The following RGL3 variants were observed in gnomAD, a reference collection of about 807,000 sequenced individuals.
RGL3 encodes the protein ral guanine nucleotide dissociation stimulator-like 3.
RGL3 carries 85 observed loss-of-function variants against 90.6 expected under a neutral mutation model. The ratio of observed to expected loss-of-function variants is 0.94; its 90% confidence interval spans 0.79 to 1.12. The LOEUF (loss-of-function observed/expected upper bound fraction) is 1.12. Among genes scored for constraint, RGL3 ranks in the 50% most tolerant of loss-of-function variants. The pLI, the probability that RGL3 is intolerant of heterozygous loss-of-function variation, is 0.00. For synonymous variants in RGL3, 408 were observed against 385.5 expected (o/e 1.06, Z -0.68); for missense variants, 1,034 against 939.2 (o/e 1.10, Z -1.32).
In RGL3 at chr19:11,396,158, A is replaced by ATTTTT. The variant is rs1169850022; in HGVS notation, c.2014+1081_2014+1085dup. ...TCTCTATATATATATATATATATAT[A>ATTTTT]TTTTTTTTTTTTTTTTTTTTTTTTT... On this transcript the variant is annotated intron_variant, in intron 18 of 18. Transcript: ENST00000380456. Among the ~76,000 whole-genome samples, 18 of 25,632 alleles carry ATTTTT rather than the reference A, an allele frequency of 7.0e-4. 4 individuals are homozygous for ATTTTT. Among genetic ancestry groups the ATTTTT allele is most frequent in the Non-Finnish European group, 9.4e-4 (14 of 14,936 alleles). The allele number at this position is 25,632 out of a possible 152,430, so 16.8% of individuals were successfully genotyped here.
chr19:11,403,503 G>A lies in RGL3; in HGVS notation c.1186-797C>T, dbSNP rs1375186799. On this transcript the variant is annotated intron_variant, in intron 9 of 18. Coordinates refer to ENST00000380456, the MANE Select transcript of RGL3 (RefSeq NM_001035223.4). ...AGAATATAAAAAACTAGCTGGGCAT[G>A]GTAGCATATTTCTGTAATCCCAGCT... Among the ~76,000 whole-genome samples, 4 of 151,248 alleles carry A rather than the reference G, an allele frequency of 2.6e-5. No individual in the cohort carries two copies. The East Asian group carries it at 7.8e-4, about 30-fold the overall frequency.
intron 13 of RGL3, among the ~76,000 whole-genome samples, chr19:11,400,736 T>C (rs1336919246): frequency 2.6e-5 from 4 of 151,704 alleles, no homozygotes; most frequent in Admixed American, 2.6e-4. Flanking sequence ...GCGCCTGTAA[T>C]TGCGGCTACC....
chr19:11,414,496 T>TATATATATATATATATACACCTTC lies in RGL3; in HGVS notation c.637+1440_637+1441insGAAGGTGTATATATATATATATAT, dbSNP rs1968951866. On this transcript the variant is annotated intron_variant, in intron 5 of 18. Coordinates refer to ENST00000380456, the MANE Select transcript of RGL3 (RefSeq NM_001035223.4). The stretch of plus-strand genomic sequence containing the variant: ...ATATATATATATACACCTTCATATA[T>TATATATATATATATATACACCTTC]ATATATATATATATATATATATATA... 2.4e-4 allele frequency among the ~76,000 whole-genome samples: 15 copies of TATATATATATATATATACACCTTC among 62,062 alleles called. 1 individual carries two copies. The highest frequency in any genetic ancestry group is 1.3e-3 in the East Asian group (1 of 760). 40.7% of individuals were successfully genotyped at this position (62,062 alleles called of 152,430 possible). A position where few individuals can be genotyped will look rare whatever the true frequency, so the allele number is the denominator to read the frequency against.
chr19:11,401,589 C>A (rs1168742863), intron 13 of RGL3, among the ~76,000 whole-genome samples: 1 of 151,656 alleles, frequency 6.6e-6, no homozygotes, highest in African/African-American at 2.4e-5. Flanking sequence ...TTAGTAGAGA[C>A]GGGGTTTCAC....
At chr19:11,400,851 T>C (rs4804591) in intron 13 of RGL3, among the ~76,000 whole-genome samples, 30,456 of 146,980 alleles carry the variant, frequency 0.21, 5,271 homozygotes, top group African/African-American at 0.48. Context: ...CCAGACTCTG[T>C]CTCAAAAATA....
chr19:11,411,208 CA>C (rs1031094432), intron 5 of RGL3: 1,187 of 46,958 alleles, frequency 0.025, 3 homozygotes, highest in Non-Finnish European at 0.037. Context: ...GACTCCATCT[CA>C]AAAAAAAAAA....
At position 11,405,353 on chromosome 19, in the gene RGL3, CG is replaced by C; in HGVS notation, c.1069del (p.Arg357GlyfsTer9). On this transcript the variant is annotated frameshift_variant, in exon 8 of 19. Transcript: ENST00000380456. LOFTEE classifies it high-confidence loss of function. ...CACTGCCCCCCAGCTGCGCTTGAGCCGGTAGATGGGGTTAGATTGCAGGGCG... is the reference window on the plus strand; with the variant it reads ...CACTGCCCCCCAGCTGCGCTTGAGCCGTAGATGGGGTTAGATTGCAGGGCG... The part of the protein sequence containing the change: ...LSALQSNPIY[R>X]LKRSWGAVSR... 6.2e-7 allele frequency: 1 copy of C among 1,612,828 alleles called. No individual in the cohort carries two copies. Among genetic ancestry groups the C allele is most frequent in the Non-Finnish European group, 8.5e-7 (1 of 1,179,614 alleles).
At chr19:11,398,870 C>T in intron 16 of RGL3, among the ~76,000 whole-genome samples, 1 of 151,524 alleles carries the variant, frequency 6.6e-6, no homozygotes, top group East Asian at 2.0e-4. Context: ...AGGGTTTCAC[C>T]ACGTTGGCCA....
At position 11,394,504 on chromosome 19, in the gene RGL3, G is replaced by T. The variant is rs756172616; in HGVS notation, c.2031C>A (p.Asp677Glu). 1.1e-5 allele frequency: 18 copies of T among 1,613,694 alleles called. No homozygotes were observed. Among genetic ancestry groups the T allele is most frequent in the East Asian group, 2.2e-5 (1 of 44,882 alleles). Residue 677 changes from aspartate (D) to glutamate (E), a missense_variant, in exon 19 of 19, where the codon GAC becomes GAA. Asp to Glu is a conservative substitution (Grantham distance 45). Transcript: ENST00000380456. ...LPGDRVLLIP[D>E]NANVFYAMSP... is the part of the protein sequence containing the mutation. The stretch of plus-strand genomic sequence containing the variant: ...TCATGGCATAGAAGACGTTGGCATT[G>T]TCAGGAATCAGGAGCACTGGTCAGG...
At chr19:11,406,146 C>T (rs1211703319) in intron 7 of RGL3, among the ~76,000 whole-genome samples, 1 of 152,008 alleles carries the variant, frequency 6.6e-6, no homozygotes, top group Non-Finnish European at 1.5e-5. Context: ...GCTCCAGCCC[C>T]TCCCCAGCTG....
Position 11,414,508 on chromosome 19 carries a change from T to TACACCTTC in RGL3, c.637+1428_637+1429insGAAGGTGT, listed in dbSNP as rs1215893926. ...ACACCTTCATATATATATATATATA[T>TACACCTTC]ATATATATATATATATATATACCTT... On this transcript the variant is annotated intron_variant, in intron 5 of 18. Coordinates refer to ENST00000380456, the MANE Select transcript of RGL3 (RefSeq NM_001035223.4). Among the ~76,000 whole-genome samples the TACACCTTC allele has an allele frequency of 6.8e-4, 78 of 115,230 alleles. 17 individuals are homozygous for TACACCTTC. Among genetic ancestry groups the TACACCTTC allele is most frequent in the Admixed American group, 1.2e-3 (12 of 9,942 alleles). 75.6% of individuals were successfully genotyped at this position (115,230 alleles called of 152,430 possible).
At chr19:11,416,493 C>T in intron 4 of RGL3, 121 bp downstream of exon 4, 1 of 983,378 alleles carries the variant, frequency 1.0e-6, no homozygotes, top group South Asian at 1.3e-5. Context: ...GCCACCACGC[C>T]CCACCTGACT....
chr19:11,414,725 A>T (rs1968964132), intron 5 of RGL3, among the ~76,000 whole-genome samples: 1 of 151,356 alleles, frequency 6.6e-6, no homozygotes, highest in Admixed American at 6.7e-5. Flanking sequence ...GCAGGATGCA[A>T]TTATTCAGCA....
chr19:11,410,567 A>C (rs1393877879), intron 5 of RGL3, among the ~76,000 whole-genome samples: 2 of 151,774 alleles, frequency 1.3e-5, no homozygotes, highest in Non-Finnish European at 2.9e-5. Flanking sequence ...CTGCTGTCCC[A>C]CCTACTCAAG....
chr19:11,416,243 G>C (rs1968995398), intron 4 of RGL3, 95 bp from the exon 5 acceptor site: 5 of 896,832 alleles, frequency 5.6e-6, no homozygotes, highest in Non-Finnish European at 7.9e-6. Flanking sequence ...TTTTGAGATA[G>C]AGTCTTACTG....
Position 11,397,296 on chromosome 19 carries a change from G to A in RGL3, c.1962C>T (p.Pro654=), listed in dbSNP as rs1968591256. 6.2e-7 allele frequency: 1 copy of A among 1,613,160 alleles called. No individual in the cohort carries two copies. The highest frequency in any genetic ancestry group is 1.3e-5 in the African/African-American group (1 of 74,894). The stretch of plus-strand genomic sequence containing the variant: ...GCTGATAGTCACAGGCCCAGGGCTG[G>A]GGCACATTGTGCTTCTGCAAGGCTC... ...VRRALQKHNV[P]QPWACDYQLF... Residue 654 remains proline, a synonymous_variant, in exon 18 of 19, where the codon CCC becomes CCT. Transcript: ENST00000380456.
chr19:11,411,709 C>T (rs1968878308), intron 5 of RGL3, among the ~76,000 whole-genome samples: 1 of 152,212 alleles, frequency 6.6e-6, no homozygotes, highest in Admixed American at 6.5e-5. Context: ...GCAGCCTTGA[C>T]CATCCCAGGC....
chr19:11,413,888 C>T (rs1250920358), intron 5 of RGL3, among the ~76,000 whole-genome samples: 13 of 148,246 alleles, frequency 8.8e-5, no homozygotes, highest in African/African-American at 2.9e-4. Context: ...GGACTACAGG[C>T]GCTCGCCACC....
rs534796704 is a variant in RGL3, at chr19:11,415,988, A to C, written c.586T>G (p.Leu196Val). Reference sequence around the variant, plus strand: ...TCCTGCTCTCGCTCAGCCTCCTCCAAAAAATCTTCCAGAAGCTTCTCTGCT... The same window carrying C: ...TCCTGCTCTCGCTCAGCCTCCTCCACAAAATCTTCCAGAAGCTTCTCTGCT... ...QKAEKLLEDF[L>V]EEAEREQEEE... Residue 196 changes from leucine (L) to valine (V), a missense_variant, in exon 5 of 19, where the codon TTG (leucine) becomes GTG (valine). Leu to Val is a conservative substitution (Grantham distance 32). Transcript: ENST00000380456. 13 of 1,613,854 alleles carry C rather than the reference A, an allele frequency of 8.1e-6. No homozygotes were observed. Among genetic ancestry groups the C allele is most frequent in the Non-Finnish European group, 1.1e-5 (13 of 1,179,964 alleles).
Sources: gnomAD v4.1 joint callset for allele counts (sites outside exome capture counted in the v4.1 genomes callset) on GRCh38, gnomAD v4.1.1 for gene constraint, MANE v1.5 for transcripts, NCBI Gene and HGNC (gene_info 2026-07-23, HGNC 2026-07-21) for gene names.